Variants in TUBGCP5 observed in about 807,000 individuals in gnomAD.
TUBGCP5 encodes gamma-tubulin complex component 5.
In TUBGCP5, 98 loss-of-function variants were observed where a neutral mutation model predicts 134.7. The ratio of observed to expected loss-of-function variants is 0.73; its 90% CI spans 0.62 to 0.86. The LOEUF (loss-of-function observed/expected upper bound fraction) is 0.86. Ranked by LOEUF, TUBGCP5 falls within the 40% of genes least tolerant of loss-of-function variation. The probability of loss-of-function intolerance (pLI) is 0.00; values close to 1 mark genes in which losing one functional copy is unlikely to be tolerated. For synonymous variants in TUBGCP5, 456 were observed against 431.4 expected (o/e 1.06, Z -0.71); for missense variants, 1,150 against 1,244.8 (o/e 0.92, Z 1.15).
intron 11 of TUBGCP5, among the ~76,000 whole-genome samples, chr15:23,020,584 CAAAAAA>C (rs542905350): frequency 2.6e-5 from 2 of 76,242 alleles, no homozygotes; most frequent in African/African-American, 5.0e-5. Flanking sequence ...GACTACGTCT[CAAAAAA>C]AAAAAAAAAA....
chr15:23,017,187 G>C (rs1445818286), intron 13 of TUBGCP5, among the ~76,000 whole-genome samples: 3 of 151,828 alleles, frequency 2.0e-5, no homozygotes, highest in Admixed American at 1.3e-4. Flanking sequence ...AGGGGGAAGG[G>C]AGAAAGAGGA....
chr15:23,034,065 C>G lies in TUBGCP5; in HGVS notation c.310-1241G>C, dbSNP rs551463008. ...TGTGGTAACTGAGCTCTTGAAATAT[C>G]TGAACTGGCAAATGTGTTCTGTATG... is the stretch of plus-strand genomic sequence containing the variant. On this transcript the variant is annotated intron_variant, in intron 3 of 22. Coordinates refer to ENST00000615383, the MANE Select transcript of TUBGCP5 (RefSeq NM_052903.6). 4.7e-4 allele frequency among the ~76,000 whole-genome samples: 71 copies of G among 152,282 alleles called. 1 individual carries two copies. In the South Asian group the frequency reaches 7.0e-3, roughly 15 times the overall value.
chr15:22,983,282 A>G (rs1416109326), exon 24 of TUBGCP5: 1 of 152,188 alleles, frequency 6.6e-6, no homozygotes, highest in African/African-American at 2.4e-5. Flanking sequence ...AGGAAGTAAA[A>G]CAAGTCTCAT....
At chr15:22,996,420 G>A (rs1008082618), downstream of TUBGCP5, among the ~76,000 whole-genome samples, 1 of 152,066 alleles carries the variant, frequency 6.6e-6, no homozygotes, top group Non-Finnish European at 1.5e-5. Context: ...TGAGGCCAGA[G>A]GACTACTTGG....
At chr15:23,005,728 C>T (rs1395091495) in intron 18 of TUBGCP5, 118 bp from the exon 19 acceptor site, 2 of 1,106,982 alleles carry the variant, frequency 1.8e-6, no homozygotes, top group Non-Finnish European at 2.6e-6. Context: ...AAAGCACTGG[C>T]AGGGGTGGCA....
At position 23,013,988 on chromosome 15, in the gene TUBGCP5, C is replaced by T. The variant is rs1339777927; in HGVS notation, c.1757-2657G>A. On this transcript the variant is annotated intron_variant, in intron 13 of 22. Coordinates refer to ENST00000615383, the MANE Select transcript of TUBGCP5 (RefSeq NM_052903.6). The surrounding 1 kb of genome is among the most constrained non-coding windows in gnomAD (Gnocchi z 4.5). ...CTGGGCCCAGGATCGACTGGTGATTCTGGTCCTGCACAGCAGAAAAACCAG... is the reference window on the plus strand; with the variant it reads ...CTGGGCCCAGGATCGACTGGTGATTTTGGTCCTGCACAGCAGAAAAACCAG... Among the ~76,000 whole-genome samples the T allele has an allele frequency of 1.3e-5, 2 of 152,174 alleles. No individual in the cohort carries two copies. The highest frequency in any genetic ancestry group is 2.9e-5 in the Non-Finnish European group (2 of 68,010).
intron 23 of TUBGCP5, among the ~76,000 whole-genome samples, chr15:22,987,377 T>C (rs1299369043): frequency 6.6e-6 from 1 of 151,812 alleles, no homozygotes; most frequent in East Asian, 1.9e-4. Flanking sequence ...GTCCTGTTTT[T>C]AGGTTTCTGT....
chr15:22,983,407 G>A (rs1246863491), exon 24 of TUBGCP5: 1 of 152,158 alleles, frequency 6.6e-6, no homozygotes, highest in Non-Finnish European at 1.5e-5. Flanking sequence ...ACTCTACACT[G>A]TATAGACTAT....
In TUBGCP5 at chr15:23,011,332, C is replaced by G. The variant is rs2065020162; in HGVS notation, c.1757-1G>C. ...GTGTATAAACTTTTTCTTTCTGCAT[C>G]TGAAACATAAAGAAATATGTAAGGT... is the stretch of plus-strand genomic sequence containing the variant. On this transcript the variant is annotated splice_acceptor_variant, in intron 13 of 22. Transcript: ENST00000615383. LOFTEE classifies it high-confidence loss of function. 6.2e-7 allele frequency: 1 copy of G among 1,607,564 alleles called. No homozygotes were observed. Among genetic ancestry groups the G allele is most frequent in the Non-Finnish European group, 8.5e-7 (1 of 1,176,230 alleles).
chr15:23,022,606 G>A (rs72693862), intron 10 of TUBGCP5, among the ~76,000 whole-genome samples: 160 of 152,320 alleles, frequency 1.1e-3, no homozygotes, highest in Non-Finnish European at 1.9e-3. Context: ...ACATGGAAGT[G>A]GCTATGTGGA....
Position 22,985,750 on chromosome 15 carries a change from G to A in TUBGCP5, c.*62-2139C>T, listed in dbSNP as rs533968678. Among the ~76,000 whole-genome samples, 260 of 152,072 alleles carry A rather than the reference G, an allele frequency of 1.7e-3. 1 individual carries two copies. The highest frequency in any genetic ancestry group is 2.9e-3 in the Non-Finnish European group (199 of 67,974). ...CTTGGGAGGCTGAGGCAGGAGAATCGCTTGAACCCAGGAGGCGGAGGTTGC... is the reference window on the plus strand; with the variant it reads ...CTTGGGAGGCTGAGGCAGGAGAATCACTTGAACCCAGGAGGCGGAGGTTGC... On this transcript the variant is annotated intron_variant and NMD_transcript_variant, in intron 23 of 23. Transcript: ENST00000614508.
At chr15:23,023,688 C>T (rs1389690207) in intron 10 of TUBGCP5, 2 of 341,010 alleles carry the variant, frequency 5.9e-6, no homozygotes, top group African/African-American at 4.3e-5. Context: ...CTGGCTGTCT[C>T]TGGAGAGGAG....
chr15:23,023,137 A>T (rs900965908), intron 10 of TUBGCP5: 1 of 152,146 alleles, frequency 6.6e-6, no homozygotes, highest in Admixed American at 6.6e-5. Flanking sequence ...TGGGAGGCCA[A>T]GGTGGTCAAC....
At chr15:22,987,061 G>A (rs1302194015) in intron 23 of TUBGCP5, among the ~76,000 whole-genome samples, 8 of 151,976 alleles carry the variant, frequency 5.3e-5, no homozygotes, top group Middle Eastern at 3.2e-3. Flanking sequence ...GGCTGGGGGC[G>A]GTGGCTCACG....
At chr15:23,003,193 G>C (rs760158357) in intron 20 of TUBGCP5, 40 bp from the exon 21 acceptor site, 2 of 1,581,480 alleles carry the variant, frequency 1.3e-6, no homozygotes, top group Non-Finnish European at 1.7e-6. Flanking sequence ...GTGTAACTAG[G>C]TTTGGACACT....
Position 23,026,324 on chromosome 15 carries a change from T to C in TUBGCP5, c.738-119A>G, listed in dbSNP as rs537656789. 256 of 811,952 alleles carry C rather than the reference T, an allele frequency of 3.2e-4. 3 individuals carry two copies. In the South Asian group the frequency reaches 3.7e-3, roughly 12 times the overall value. 50.3% of individuals were successfully genotyped at this position (811,952 alleles called of 1,614,324 possible). On this transcript the variant is annotated intron_variant, in intron 7 of 22. Coordinates refer to ENST00000615383, the MANE Select transcript of TUBGCP5 (RefSeq NM_052903.6). ...GTAGCAATCAACTAACAAGTATACA[T>C]AATAAATGGCTTAAATGCCCCCTAT...
chr15:22,989,883 A>AACTTCAGGACTT (rs2063795979), intron 23 of TUBGCP5, among the ~76,000 whole-genome samples: 1 of 152,076 alleles, frequency 6.6e-6, no homozygotes, highest in Admixed American at 6.6e-5. Context: ...ACAGCCTCCT[A>AACTTCAGGACTT]ACTTCAGGAC....
chr15:22,986,737 CA>C (rs35935898), intron 23 of TUBGCP5, among the ~76,000 whole-genome samples: 192 of 126,442 alleles, frequency 1.5e-3, no homozygotes, highest in Middle Eastern at 4.1e-3. Flanking sequence ...GACTCTGTCT[CA>C]AAAAAAAAAA....
At chr15:22,993,102 G>C (rs2063902057) in intron 23 of TUBGCP5, among the ~76,000 whole-genome samples, 1 of 152,106 alleles carries the variant, frequency 6.6e-6, no homozygotes, top group Admixed American at 6.6e-5. Flanking sequence ...GATGTGATTG[G>C]AAACTCTTTA....
Sources: allele counts gnomAD v4.1 joint callset (sites outside exome capture counted in the v4.1 genomes callset), GRCh38; gene constraint gnomAD v4.1.1; non-coding constraint Gnocchi (gnomAD v3.1); transcripts MANE v1.5; gene names NCBI Gene and HGNC (gene_info 2026-07-23, HGNC 2026-07-21).